The following CELF2 variants were observed in gnomAD, a reference collection of about 807,000 sequenced individuals.
The protein encoded by CELF2 is CUG triplet repeat RNA-binding protein 2.
CELF2 carries 8 observed loss-of-function variants against 62.6 expected under a neutral mutation model. The observed-to-expected ratio is 0.13, with a 90% CI of 0.07 to 0.23. The LOEUF (loss-of-function observed/expected upper bound fraction) is 0.23, where lower values mean the gene tolerates loss of function less well. Among genes scored for constraint, CELF2 ranks in the 10% least tolerant of loss-of-function variants. CELF2 has a pLI of 1.00. For missense variants in CELF2, 333 were observed against 671.0 expected (o/e 0.50, Z 5.56); for synonymous variants, 258 against 250.0 (o/e 1.03, Z -0.30).
chr10:10,463,287 C>T, the CELF2 span, among the ~76,000 whole-genome samples: 1 of 152,160 alleles, frequency 6.6e-6, no homozygotes, highest in South Asian at 2.1e-4. Context: ...CTGCCTGGAA[C>T]GGCTGCTGAG....
In CELF2 at chr10:11,165,918, G is replaced by T. The variant is rs1322220025; in HGVS notation, c.271+236G>T. On this transcript the variant is annotated intron_variant, in intron 2 of 12. Coordinates refer to ENST00000633077, the MANE Select transcript of CELF2 (RefSeq NM_001326342.2). The surrounding 1 kb of genome is among the most constrained non-coding windows in gnomAD (Gnocchi z 7.4). ...AGAGGGACCGAGGCAGGGCGGGAGC[G>T]CAGAGGCTCGGTCCAGGCGCGTGAT... Among the ~76,000 whole-genome samples, 3 of 152,350 alleles carry T rather than the reference G, an allele frequency of 2.0e-5. No individual in the cohort carries two copies. The highest frequency in any genetic ancestry group is 1.9e-4 in the East Asian group (1 of 5,184).
intron 3 of CELF2, among the ~76,000 whole-genome samples, chr10:11,233,462 C>T (rs1295088583): frequency 6.6e-6 from 1 of 152,218 alleles, no homozygotes; most frequent in Admixed American, 6.5e-5. Context: ...GCTACCTCTA[C>T]AGGCTGCTGC....
At chr10:10,939,373 C>T (rs753619744) in intron 2 of CELF2, among the ~76,000 whole-genome samples, 1 of 152,094 alleles carries the variant, frequency 6.6e-6, no homozygotes, top group Non-Finnish European at 1.5e-5. Context: ...GCCACCTCTG[C>T]CTCCTGGGTT....
Position 10,983,119 on chromosome 10 carries a change from T to A in CELF2, c.89+63120T>A, listed in dbSNP as rs939426956. Among the ~76,000 whole-genome samples, 1 of 152,178 alleles carries A rather than the reference T, an allele frequency of 6.6e-6. No individual in the cohort carries two copies. The highest frequency in any genetic ancestry group is 2.1e-4 in the South Asian group (1 of 4,830). ...GAAGTGCTACATTTTAAAAAATAAT[T>A]TAAGCTCTTTTTTCATTATTTTTTT... On this transcript the variant is annotated intron_variant, in intron 2 of 13. Transcript: ENST00000636488. This position sits in a 1 kb window ranked among gnomAD's most constrained non-coding sequence, Gnocchi z 5.2.
At chr10:10,507,366 C>T in the CELF2 span, among the ~76,000 whole-genome samples, 1 of 152,138 alleles carries the variant, frequency 6.6e-6, no homozygotes, top group African/African-American at 2.4e-5. Flanking sequence ...ACCAATGTCA[C>T]AGGATTATTT....
Position 10,860,038 on chromosome 10 carries a change from CAT to C in CELF2, c.54-59925_54-59924del, listed in dbSNP as rs553584040. Among the ~76,000 whole-genome samples the C allele has an allele frequency of 4.0e-3, 614 of 152,126 alleles. 7 individuals carry two copies. The highest frequency in any genetic ancestry group is 0.017 in the South Asian group (82 of 4,818). ...ATTCACAAATATAATAAATCCATTA[CAT>C]GTTAAGGTATCTTTTTATGAAAATG... On this transcript the variant is annotated intron_variant, in intron 1 of 13. Coordinates refer to the CELF2 transcript ENST00000636488.
chr10:11,321,399 CT>C lies in CELF2; in HGVS notation c.1294+15del, dbSNP rs760364616. The C allele has an allele frequency of 6.2e-7, 1 of 1,600,302 alleles. No homozygotes were observed. The highest frequency in any genetic ancestry group is 8.5e-7 in the Non-Finnish European group (1 of 1,178,812). ...AGCCAGAAGGAAGGTAGGTGCCGCC[CT>C]TGGCCCCAGGCAGGGCCCAGCCCAA... On this transcript the variant is annotated intron_variant, in intron 11 of 12. Transcript: ENST00000633077. This position sits in a 1 kb window ranked among gnomAD's most constrained non-coding sequence, Gnocchi z 6.2.
At chr10:11,326,931 A>C (rs1173053886) in intron 12 of CELF2, among the ~76,000 whole-genome samples, 1 of 152,232 alleles carries the variant, frequency 6.6e-6, no homozygotes, top group Non-Finnish European at 1.5e-5. Flanking sequence ...GGTGGTTCTC[A>C]AACTTAACTC....
intron 1 of CELF2, among the ~76,000 whole-genome samples, chr10:10,877,734 C>T (rs991089104): frequency 8.5e-5 from 13 of 152,114 alleles, no homozygotes; most frequent in South Asian, 2.1e-4. Flanking sequence ...GTGAGATGGA[C>T]GAGTTGGGTA....
At chr10:11,234,225 AG>A (rs2070100157) in intron 3 of CELF2, among the ~76,000 whole-genome samples, 3 of 152,166 alleles carry the variant, frequency 2.0e-5, no homozygotes, top group Non-Finnish European at 4.4e-5. Context: ...TCCATGGCTG[AG>A]GTCTCAGCTG....
In CELF2 at chr10:11,086,578, T is replaced by TAAAAAAAAA. The variant is rs1168932032; in HGVS notation, c.74+68439_74+68447dup. Among the ~76,000 whole-genome samples the TAAAAAAAAA allele has an allele frequency of 1.7e-3, 123 of 71,974 alleles. 17 individuals are homozygous for TAAAAAAAAA. Among genetic ancestry groups the TAAAAAAAAA allele is most frequent in the East Asian group, 0.013 (16 of 1,266 alleles). 47.2% of individuals were successfully genotyped at this position (71,974 alleles called of 152,430 possible). A position where few individuals can be genotyped will look rare whatever the true frequency, so the allele number is the denominator to read the frequency against. The stretch of plus-strand genomic sequence containing the variant: ...AATCCATGTCTCCATTTGCATTTGT[T>TAAAAAAAAA]AAAAAAAAAAAAAAAAAAAAAAAAA... On this transcript the variant is annotated intron_variant, in intron 1 of 12. Transcript: ENST00000633077.
chr10:10,699,085 C>G, the CELF2 span, among the ~76,000 whole-genome samples: 1 of 151,974 alleles, frequency 6.6e-6, no homozygotes, highest in South Asian at 2.1e-4. Context: ...TTTGAATTTC[C>G]TCACAATAAA....
At position 11,246,190 on chromosome 10, in the gene CELF2, A is replaced by G. The variant is rs2075552549; in HGVS notation, c.355-2963A>G. On this transcript the variant is annotated intron_variant, in intron 3 of 12. Transcript: ENST00000633077. This position sits in a 1 kb window ranked among gnomAD's most constrained non-coding sequence, Gnocchi z 4.6. Reference sequence around the variant, plus strand: ...GTCCCTGTTTTTTATGTGGATGCGTATCGACCGCCATGATAGACTGCACAC... The same window carrying G: ...GTCCCTGTTTTTTATGTGGATGCGTGTCGACCGCCATGATAGACTGCACAC... Among the ~76,000 whole-genome samples the G allele has an allele frequency of 6.6e-6, 1 of 152,136 alleles. No individual in the cohort carries two copies. Among genetic ancestry groups the G allele is most frequent in the South Asian group, 2.1e-4 (1 of 4,826 alleles).
chr10:10,661,541 C>G, the CELF2 span, among the ~76,000 whole-genome samples: 1 of 152,116 alleles, frequency 6.6e-6, no homozygotes, highest in East Asian at 1.9e-4. Context: ...GGATATATAC[C>G]TAGGAGTGGA....
chr10:11,074,143 T>C (rs2071100013), intron 1 of CELF2, among the ~76,000 whole-genome samples: 1 of 152,214 alleles, frequency 6.6e-6, no homozygotes, highest in Non-Finnish European at 1.5e-5. Flanking sequence ...TTTGTTGCTT[T>C]TTTGATCAGC....
In CELF2 at chr10:11,132,744, A is replaced by C. The variant is rs2059805394; in HGVS notation, c.75-32742A>C. ...CTAGGAGAAAAAGTGACACAGTGTTACATAATCACACGTCCAAAGGGTATC... is the reference window on the plus strand; with the variant it reads ...CTAGGAGAAAAAGTGACACAGTGTTCCATAATCACACGTCCAAAGGGTATC... On this transcript the variant is annotated intron_variant, in intron 1 of 12. Transcript: ENST00000633077. Among the ~76,000 whole-genome samples the C allele has an allele frequency of 2.6e-5, 4 of 152,348 alleles. No individual in the cohort carries two copies. The South Asian group carries it at 8.3e-4, about 32-fold the overall frequency.
At chr10:10,512,410 T>TTC in the CELF2 span, among the ~76,000 whole-genome samples, 1 of 146,572 alleles carries the variant, frequency 6.8e-6, no homozygotes, top group African/African-American at 2.6e-5. Context: ...GCTTTTTTTT[T>TTC]TTTTTTTTTT....
upstream of CELF2, among the ~76,000 whole-genome samples, chr10:10,797,671 T>C (rs1315230134): frequency 2.0e-5 from 3 of 152,190 alleles, no homozygotes; most frequent in African/African-American, 7.2e-5. Context: ...CGGAAGCCAC[T>C]GGACCAGATG....
intron 1 of CELF2, among the ~76,000 whole-genome samples, chr10:10,835,212 G>C (rs1408726786): frequency 6.6e-6 from 1 of 151,964 alleles, no homozygotes; most frequent in Non-Finnish European, 1.5e-5. Context: ...GAGTGTGCTA[G>C]TGCAGTCCTA....
Sources: gnomAD v4.1 joint callset for allele counts (sites outside exome capture counted in the v4.1 genomes callset) on GRCh38, gnomAD v4.1.1 for gene constraint, Gnocchi (gnomAD v3.1) non-coding constraint, MANE v1.5 for transcripts, NCBI Gene and HGNC (gene_info 2026-07-23, HGNC 2026-07-21) for gene names.